APCDD1L: variants seen among roughly 807,000 people sequenced by gnomAD.
APCDD1L encodes the protein APC down-regulated 1 like, also known as protein APCDD1-like.
Under a neutral mutation model 24.2 loss-of-function variants are expected in APCDD1L, and 21 were observed. That is an observed-to-expected ratio of 0.87 (90% CI 0.61 to 1.25). The LOEUF is 1.25. APCDD1L is among the 50% of genes most tolerant of loss of function. The probability of loss-of-function intolerance (pLI) is 0.00; values close to 1 mark genes in which losing one functional copy is unlikely to be tolerated. For missense variants in APCDD1L, 704 were observed against 711.7 expected (o/e 0.99, Z 0.12); for synonymous variants, 321 against 323.6 (o/e 0.99, Z 0.09).
At chr20:58,488,329 G>A (rs1285788955) in intron 1 of APCDD1L, among the ~76,000 whole-genome samples, 3 of 152,122 alleles carry the variant, frequency 2.0e-5, no homozygotes, top group Admixed American at 1.3e-4. Context: ...GTCATGGAAT[G>A]CCTCCCCTGA....
chr20:58,482,561 G>A (rs111546420), intron 1 of APCDD1L, among the ~76,000 whole-genome samples: 33 of 152,102 alleles, frequency 2.2e-4, no homozygotes, highest in African/African-American at 7.7e-4. Flanking sequence ...GCTCAGGAAG[G>A]GGACAAAGCG....
At chr20:58,511,556 T>G (rs1990627836) in intron 1 of APCDD1L, among the ~76,000 whole-genome samples, 1 of 152,238 alleles carries the variant, frequency 6.6e-6, no homozygotes, top group Non-Finnish European at 1.5e-5. Flanking sequence ...TTGTTTTGAA[T>G]TTTGAGATTA....
At position 58,479,593 on chromosome 20, in the gene APCDD1L, CTTTT is replaced by C. The variant is rs10580833; in HGVS notation, c.50-8850_50-8847del. On this transcript the variant is annotated intron_variant, in intron 1 of 3. Transcript: ENST00000371149. Reference sequence around the variant, plus strand: ...ATACTGAGGTTTGGATTAAGATTTGCTTTTTTTTTTTTTTTTTTTCTTAAAATAT... The same window carrying C: ...ATACTGAGGTTTGGATTAAGATTTGCTTTTTTTTTTTTTTTCTTAAAATAT... 1.8e-3 allele frequency among the ~76,000 whole-genome samples: 220 copies of C among 125,406 alleles called. 1 individual carries two copies. The highest frequency in any genetic ancestry group is 6.0e-3 in the African/African-American group (207 of 34,508). The allele number at this position is 125,406 out of a possible 152,430, so 82.3% of individuals were successfully genotyped here.
chr20:58,492,583 C>G (rs748534427), intron 1 of APCDD1L, among the ~76,000 whole-genome samples: 1 of 152,224 alleles, frequency 6.6e-6, no homozygotes, highest in Non-Finnish European at 1.5e-5. Context: ...GGAGCATAAA[C>G]TGGGATGAAT....
At chr20:58,506,344 G>T (rs184928016) in intron 1 of APCDD1L, among the ~76,000 whole-genome samples, 1 of 152,180 alleles carries the variant, frequency 6.6e-6, no homozygotes, top group African/African-American at 2.4e-5. Context: ...AGGAGAAGGT[G>T]GCCTTGTAGC....
intron 1 of APCDD1L, among the ~76,000 whole-genome samples, chr20:58,481,698 C>T (rs1990028084): frequency 6.6e-6 from 1 of 152,148 alleles, no homozygotes; most frequent in Admixed American, 6.5e-5. Context: ...TTGGTTGGGG[C>T]GATTGGGAGC....
rs994489985 is a variant in APCDD1L, at chr20:58,467,745, C to A, written c.189-87G>T. 7.8e-7 allele frequency: 1 copy of A among 1,288,186 alleles called. No homozygotes were observed. The highest frequency in any genetic ancestry group is 3.1e-5 in the East Asian group (1 of 32,358). 79.8% of individuals were successfully genotyped at this position (1,288,186 alleles called of 1,614,324 possible). A position where few individuals can be genotyped will look rare whatever the true frequency, so the allele number is the denominator to read the frequency against. Reference sequence around the variant, plus strand: ...CCCTCTGGGCTGGGCTCCTTTCTCCCCCCCAGCCCTCCTCTTAGTCCTCAG... The same window carrying A: ...CCCTCTGGGCTGGGCTCCTTTCTCCACCCCAGCCCTCCTCTTAGTCCTCAG... On this transcript the variant is annotated intron_variant, in intron 2 of 3. Transcript: ENST00000371149. This position sits in a 1 kb window ranked among gnomAD's most constrained non-coding sequence, Gnocchi z 5.9.
intron 1 of APCDD1L, among the ~76,000 whole-genome samples, chr20:58,498,560 A>T (rs1274576689): frequency 6.6e-6 from 1 of 152,180 alleles, no homozygotes; most frequent in East Asian, 1.9e-4. Context: ...GCTGATAGGG[A>T]CCACTTGGGC....
intron 1 of APCDD1L, among the ~76,000 whole-genome samples, chr20:58,488,741 C>T (rs1990169724): frequency 6.6e-6 from 1 of 152,020 alleles, no homozygotes; most frequent in African/African-American, 2.4e-5. Context: ...CGAGGTAAAC[C>T]TATAGGCTTA....
chr20:58,504,278 G>C (rs555758739), intron 1 of APCDD1L, among the ~76,000 whole-genome samples: 3 of 152,272 alleles, frequency 2.0e-5, no homozygotes, highest in Admixed American at 6.5e-5. Context: ...TCTCTGTGAT[G>C]AGCAAGAGGT....
At chr20:58,513,234 C>T (rs909290666) in intron 1 of APCDD1L, among the ~76,000 whole-genome samples, 2 of 152,156 alleles carry the variant, frequency 1.3e-5, no homozygotes, top group Non-Finnish European at 2.9e-5. Flanking sequence ...CCAGCAGAGG[C>T]GCGCTTCCAC....
chr20:58,504,739 G>T (rs1188909995), intron 1 of APCDD1L, among the ~76,000 whole-genome samples: 2 of 152,084 alleles, frequency 1.3e-5, no homozygotes, highest in Non-Finnish European at 2.9e-5. Flanking sequence ...GAGGGCACAG[G>T]GCCTTATCTA....
intron 1 of APCDD1L, among the ~76,000 whole-genome samples, chr20:58,500,972 G>A (rs189333531): frequency 2.0e-5 from 3 of 152,222 alleles, no homozygotes; most frequent in Non-Finnish European, 4.4e-5. Flanking sequence ...GCTCCCTGAG[G>A]GTTAGCACTC....
At chr20:58,499,040 G>A (rs557405009) in intron 1 of APCDD1L, among the ~76,000 whole-genome samples, 2 of 152,306 alleles carry the variant, frequency 1.3e-5, no homozygotes, top group South Asian at 4.1e-4. Flanking sequence ...CACAGTAAAA[G>A]TCACCGCAGT....
At chr20:58,500,319 A>G (rs1990408523) in intron 1 of APCDD1L, among the ~76,000 whole-genome samples, 1 of 152,184 alleles carries the variant, frequency 6.6e-6, no homozygotes, top group Non-Finnish European at 1.5e-5. Context: ...ACGCATCACA[A>G]CGGATTCAGT....
Position 58,461,051 on chromosome 20 carries a change from C to G in APCDD1L, c.1245G>C (p.Lys415Asn). ...RLPHVEYELF[K>N]MEQDPLGQSL... The stretch of plus-strand genomic sequence containing the variant: ...TTTGCCCGAGGGGGTCTTGTTCCAT[C>G]TTGAAAAGCTCGTACTCCACATGCG... The change falls in exon 4 of 4, where the codon AAG becomes AAC. Residue 415 changes from lysine (K) to asparagine (N), a missense_variant. Transcript: ENST00000371149. This position sits in a 1 kb window ranked among gnomAD's most constrained non-coding sequence, Gnocchi z 6.0. 6.2e-7 allele frequency: 1 copy of G among 1,614,114 alleles called. No individual in the cohort carries two copies. The highest frequency in any genetic ancestry group is 8.5e-7 in the Non-Finnish European group (1 of 1,180,004).
At position 58,497,199 on chromosome 20, in the gene APCDD1L, G is replaced by T. The variant is rs911415871; in HGVS notation, c.49+17460C>A. Among the ~76,000 whole-genome samples, 1 of 151,834 alleles carries T rather than the reference G, an allele frequency of 6.6e-6. No individual in the cohort carries two copies. The highest frequency in any genetic ancestry group is 1.5e-5 in the Non-Finnish European group (1 of 67,932). ...GGGAGCTGGTGAAAGGGGCCTCCTG[G>T]GGGTGAGGGGGCATGCAGCGGGTGG... On this transcript the variant is annotated intron_variant, in intron 1 of 3. Transcript: ENST00000371149. This position sits in a 1 kb window ranked among gnomAD's most constrained non-coding sequence, Gnocchi z 4.3.
At chr20:58,463,331 A>G (rs1197729306) in intron 3 of APCDD1L, among the ~76,000 whole-genome samples, 1 of 152,018 alleles carries the variant, frequency 6.6e-6, no homozygotes. Flanking sequence ...GTCCCAGGCT[A>G]TGAGTTGGTT....
intron 3 of APCDD1L, among the ~76,000 whole-genome samples, chr20:58,466,501 G>GCAT (rs1255583123): frequency 1.3e-5 from 2 of 152,252 alleles, no homozygotes; most frequent in Non-Finnish European, 2.9e-5. Context: ...TGGCATCTGG[G>GCAT]CTGGTGTGCG....
Sources: allele counts gnomAD v4.1 joint callset (sites outside exome capture counted in the v4.1 genomes callset), GRCh38; gene constraint gnomAD v4.1.1; non-coding constraint Gnocchi (gnomAD v3.1); transcripts MANE v1.5; gene names NCBI Gene and HGNC (gene_info 2026-07-23, HGNC 2026-07-21).